ASTN2: variants seen among roughly 807,000 people sequenced by gnomAD.
ASTN2 encodes astrotactin 2, also known as astrotactin-2.
Under a neutral mutation model 139.8 loss-of-function variants are expected in ASTN2, and 54 were observed. The observed-to-expected ratio is 0.39, with a 90% CI of 0.31 to 0.48. The LOEUF (loss-of-function observed/expected upper bound fraction) is 0.48. ASTN2 is among the 20% of genes least tolerant of loss of function. The probability of loss-of-function intolerance (pLI) is 0.95; values close to 1 mark genes in which losing one functional copy is unlikely to be tolerated. For synonymous variants in ASTN2, 756 were observed against 719.5 expected (o/e 1.05, Z -0.81); for missense variants, 1,565 against 1,725.1 (o/e 0.91, Z 1.64).
chr9:116,799,650 C>G (rs752289841), intron 13 of ASTN2, among the ~76,000 whole-genome samples: 1 of 146,990 alleles, frequency 6.8e-6, no homozygotes, highest in Non-Finnish European at 1.5e-5. Context: ...AATCTATAAC[C>G]AAAGTTTACC....
chr9:116,767,338 G>C (rs867058562), intron 13 of ASTN2, among the ~76,000 whole-genome samples: 1 of 152,196 alleles, frequency 6.6e-6, no homozygotes, highest in African/African-American at 2.4e-5. Flanking sequence ...AGAGGAGGGA[G>C]GGGTGGCTTG....
At chr9:116,600,344 A>AAAAGAAG in intron 19 of ASTN2, among the ~76,000 whole-genome samples, 1 of 142,422 alleles carries the variant, frequency 7.0e-6, no homozygotes, top group African/African-American at 2.9e-5. Context: ...AAAAAAAAAA[A>AAAAGAAG]AAAGAAAGAA....
chr9:116,447,751 CAT>C lies in ASTN2; in HGVS notation c.3498-5200_3498-5199del, dbSNP rs142487354. Among the ~76,000 whole-genome samples, 433 of 152,312 alleles carry C rather than the reference CAT, an allele frequency of 2.8e-3. 4 individuals carry two copies. The highest frequency in any genetic ancestry group is 9.8e-3 in the African/African-American group (409 of 41,574). ...TGAAAGTGCTCAGCACAATGCCCGA[CAT>C]GTGATATTGTGATATGCAATAACCA... On this transcript the variant is annotated intron_variant, in intron 20 of 22. Coordinates refer to ENST00000313400, the MANE Select transcript of ASTN2 (RefSeq NM_001365068.1).
At chr9:117,413,781 C>T (rs1831240956) in intron 1 of ASTN2, among the ~76,000 whole-genome samples, 1 of 152,174 alleles carries the variant, frequency 6.6e-6, no homozygotes, top group Non-Finnish European at 1.5e-5. Flanking sequence ...GACAAACCGG[C>T]TCTCTGCCTG....
intron 17 of ASTN2, among the ~76,000 whole-genome samples, chr9:116,648,671 T>C (rs1042444505): frequency 6.6e-6 from 1 of 152,210 alleles, no homozygotes; most frequent in Non-Finnish European, 1.5e-5. Flanking sequence ...TATTTATTTG[T>C]TCAGTTAGCT....
chr9:116,643,218 T>C (rs1041936615), intron 17 of ASTN2, among the ~76,000 whole-genome samples: 6 of 152,178 alleles, frequency 3.9e-5, no homozygotes, highest in Non-Finnish European at 7.4e-5. Flanking sequence ...TGTTAGGTTT[T>C]ATTCTTCTAT....
intron 4 of ASTN2, among the ~76,000 whole-genome samples, chr9:117,114,268 T>C (rs995062748): frequency 1.3e-5 from 2 of 152,238 alleles, no homozygotes; most frequent in East Asian, 1.9e-4. Context: ...TAGTCTAATA[T>C]AACTCATTAT....
chr9:117,349,712 C>T (rs1413643186), intron 1 of ASTN2, among the ~76,000 whole-genome samples: 1 of 152,112 alleles, frequency 6.6e-6, no homozygotes, highest in Non-Finnish European at 1.5e-5. Flanking sequence ...AATTGTCTTG[C>T]AGTGGAAAAA....
intron 1 of ASTN2, among the ~76,000 whole-genome samples, chr9:117,356,618 C>T (rs1277917903): frequency 1.3e-5 from 2 of 152,028 alleles, no homozygotes; most frequent in Non-Finnish European, 2.9e-5. Flanking sequence ...TTTTAATGCG[C>T]TTCCATGTAA....
At chr9:116,443,563 T>C (rs1161404996) in intron 20 of ASTN2, among the ~76,000 whole-genome samples, 1 of 152,078 alleles carries the variant, frequency 6.6e-6, no homozygotes, top group African/African-American at 2.4e-5. Context: ...TAATTGTTTC[T>C]AGAGCAGCCT....
At chr9:116,742,179 T>C (rs946695433) in intron 13 of ASTN2, among the ~76,000 whole-genome samples, 1 of 152,234 alleles carries the variant, frequency 6.6e-6, no homozygotes, top group African/African-American at 2.4e-5. Flanking sequence ...CTCTCAAAGT[T>C]GACTTTGCAG....
intron 19 of ASTN2, among the ~76,000 whole-genome samples, chr9:116,514,593 G>T (rs546230735): frequency 6.6e-6 from 1 of 152,294 alleles, no homozygotes; most frequent in African/African-American, 2.4e-5. Flanking sequence ...GCTATGCCCT[G>T]CCCCCAGAGG....
intron 16 of ASTN2, among the ~76,000 whole-genome samples, chr9:116,667,624 C>T (rs1858946597): frequency 6.6e-6 from 1 of 152,046 alleles, no homozygotes; most frequent in Admixed American, 6.5e-5. Flanking sequence ...CCAGATTACA[C>T]AAAATTGAAA....
At chr9:117,289,655 C>T (rs1834538289) in intron 2 of ASTN2, among the ~76,000 whole-genome samples, 1 of 152,186 alleles carries the variant, frequency 6.6e-6, no homozygotes, top group South Asian at 2.1e-4. Context: ...CACCCCTCCG[C>T]CTCTTCCTAA....
chr9:116,898,573 T>C (rs140008190), intron 10 of ASTN2, among the ~76,000 whole-genome samples: 316 of 152,348 alleles, frequency 2.1e-3, no homozygotes, highest in African/African-American at 7.1e-3. Context: ...TAGTGTCTTC[T>C]GTCTGGATCA....
intron 17 of ASTN2, among the ~76,000 whole-genome samples, chr9:116,631,008 T>G (rs1483721503): frequency 6.6e-6 from 1 of 152,052 alleles, no homozygotes; most frequent in Admixed American, 6.6e-5. Flanking sequence ...CAATGAGATA[T>G]CATCTCACTC....
At chr9:116,546,324 C>T (rs1352375145) in intron 19 of ASTN2, among the ~76,000 whole-genome samples, 3 of 152,072 alleles carry the variant, frequency 2.0e-5, no homozygotes, top group East Asian at 1.9e-4. Flanking sequence ...CATATTTAAC[C>T]CTCCCAGCAA....
chr9:116,728,482 T>A (rs1828692253), intron 15 of ASTN2, among the ~76,000 whole-genome samples: 1 of 152,100 alleles, frequency 6.6e-6, no homozygotes, highest in Non-Finnish European at 1.5e-5. Flanking sequence ...TTGCCATCTG[T>A]TGGAGCTTAA....
chr9:116,678,990 G>A (rs889136194), intron 16 of ASTN2, among the ~76,000 whole-genome samples: 2 of 152,146 alleles, frequency 1.3e-5, no homozygotes, highest in African/African-American at 4.8e-5. Flanking sequence ...GATAATGAAA[G>A]GGTTTCGTTT....
Sources: gnomAD v4.1 joint callset for allele counts (sites outside exome capture counted in the v4.1 genomes callset) on GRCh38, gnomAD v4.1.1 for gene constraint, MANE v1.5 for transcripts, NCBI Gene and HGNC (gene_info 2026-07-23, HGNC 2026-07-21) for gene names.